The following SYNE1 variants were observed in gnomAD, a reference collection of about 807,000 sequenced individuals.
SYNE1 encodes the protein nesprin-1.
A neutral mutation model predicts 1,111.0 loss-of-function variants in SYNE1; 616 were observed. The observed-to-expected ratio is 0.55, with a 90% CI of 0.52 to 0.59. The LOEUF (loss-of-function observed/expected upper bound fraction) is 0.59, where lower values mean the gene tolerates loss of function less well. Ranked by LOEUF, SYNE1 falls within the 20% of genes least tolerant of loss-of-function variation. The probability of loss-of-function intolerance (pLI) is 0.00; values close to 1 mark genes in which losing one functional copy is unlikely to be tolerated. For missense variants in SYNE1, 10,006 were observed against 10,417.0 expected (o/e 0.96, Z 1.72); for synonymous variants, 3,855 against 3,825.8 (o/e 1.01, Z -0.28).
intron 131 of SYNE1, among the ~76,000 whole-genome samples, chr6:152,158,896 G>A (rs1440343536): frequency 6.6e-6 from 1 of 152,184 alleles, no homozygotes; most frequent in Non-Finnish European, 1.5e-5. Flanking sequence ...CCTAAGATTT[G>A]AGGGGATTTA....
At chr6:152,305,631 T>G (rs1262799578) in intron 91 of SYNE1, among the ~76,000 whole-genome samples, 2 of 152,178 alleles carry the variant, frequency 1.3e-5, no homozygotes, top group African/African-American at 2.4e-5. Flanking sequence ...TTAAAGTTAT[T>G]TGTAAGAAAA....
At chr6:152,146,384 A>C (rs2059519911) in intron 137 of SYNE1, 1 of 152,218 alleles carries the variant, frequency 6.6e-6, no homozygotes, top group Admixed American at 6.5e-5. Flanking sequence ...TATAACATGT[A>C]ATCAATATAA....
chr6:152,295,720 A>G (rs1261313420), intron 93 of SYNE1, among the ~76,000 whole-genome samples: 1 of 151,988 alleles, frequency 6.6e-6, no homozygotes, highest in Non-Finnish European at 1.5e-5. Context: ...TCAAAAGTCT[A>G]TGTATATTCA....
chr6:152,224,928 C>T (rs1049789444), intron 116 of SYNE1, among the ~76,000 whole-genome samples: 1 of 144,342 alleles, frequency 6.9e-6, no homozygotes, highest in Admixed American at 7.0e-5. Flanking sequence ...TATATATATA[C>T]ATATATACAT....
intron 117 of SYNE1, among the ~76,000 whole-genome samples, chr6:152,223,037 A>T (rs1192851886): frequency 6.6e-6 from 1 of 152,186 alleles, no homozygotes; most frequent in Non-Finnish European, 1.5e-5. Context: ...AGTAGGCTAC[A>T]AAAATCGAGT....
intron 51 of SYNE1, among the ~76,000 whole-genome samples, chr6:152,394,094 G>A (rs754906022): frequency 6.6e-6 from 1 of 152,166 alleles, no homozygotes; most frequent in Non-Finnish European, 1.5e-5. Context: ...TTCTGTTCCT[G>A]TATTAGTTTG....
chr6:152,596,767 T>C (rs1300323681), intron 3 of SYNE1, among the ~76,000 whole-genome samples: 3 of 152,216 alleles, frequency 2.0e-5, no homozygotes, highest in African/African-American at 7.2e-5. Flanking sequence ...TAAAAATTAA[T>C]TGAAAAGAGA....
At chr6:152,512,223 T>C (rs1333412380) in intron 6 of SYNE1, among the ~76,000 whole-genome samples, 1 of 152,146 alleles carries the variant, frequency 6.6e-6, no homozygotes, top group Non-Finnish European at 1.5e-5. Flanking sequence ...ATTTGAGATA[T>C]ACCTATGGGA....
At chr6:152,573,417 T>C (rs2099480288) in intron 3 of SYNE1, among the ~76,000 whole-genome samples, 1 of 145,982 alleles carries the variant, frequency 6.9e-6, no homozygotes, top group Non-Finnish European at 1.5e-5. Context: ...CACCTATGAG[T>C]GAGAACATGC....
chr6:152,140,304 T>G (rs780851702), intron 139 of SYNE1, 143 bp from the exon 140 acceptor site: 160 of 787,712 alleles, frequency 2.0e-4, no homozygotes, highest in Non-Finnish European at 3.0e-4. Context: ...TGTTGTCATC[T>G]GGAAATAACA....
At chr6:152,312,495 C>G in intron 87 of SYNE1, among the ~76,000 whole-genome samples, 1 of 150,664 alleles carries the variant, frequency 6.6e-6, no homozygotes, top group Admixed American at 6.6e-5. Context: ...ATGTGACTCA[C>G]TGCACCCAGC....
chr6:152,396,732 C>T (rs377711875), intron 50 of SYNE1, 43 bp downstream of exon 50: 3 of 1,563,130 alleles, frequency 1.9e-6, no homozygotes, highest in Non-Finnish European at 8.8e-7. Context: ...TTTAAAAACA[C>T]ACTTGGTGTA....
At position 152,391,396 on chromosome 6, in the gene SYNE1, G is replaced by C. The variant is rs750505130; in HGVS notation, c.7885C>G (p.Leu2629Val). 1.9e-6 allele frequency: 3 copies of C among 1,613,896 alleles called. No individual in the cohort carries two copies. In the Admixed American group the frequency reaches 5.0e-5, roughly 27 times the overall value. Residue 2629 changes from leucine (L) to valine (V), a missense_variant, in exon 52 of 146, where the codon CTG becomes GTG. Physicochemically the swap from Leu to Val is conservative, Grantham distance 32 (BLOSUM62 1). This residue lies in a region of SYNE1 where 4,955 missense variants were observed against 5,017.2 expected (regional missense o/e 0.99). Transcript: ENST00000367255. Reference protein sequence around the residue: ...CQVALQEHEALEEALQSMWFW... With the variant: ...CQVALQEHEAVEEALQSMWFW... ...CACATGCTTTGCAGTGCTTCCTCCAGGGCTTCGTGCTCCTGAAGGGCCACC... is the reference window on the plus strand; with the variant it reads ...CACATGCTTTGCAGTGCTTCCTCCACGGCTTCGTGCTCCTGAAGGGCCACC...
chr6:152,185,862 T>C (rs1010015512), intron 128 of SYNE1, among the ~76,000 whole-genome samples: 5 of 152,226 alleles, frequency 3.3e-5, no homozygotes, highest in African/African-American at 1.2e-4. Context: ...AATAATTCCA[T>C]GGCATTTTTA....
intron 14 of SYNE1, among the ~76,000 whole-genome samples, chr6:152,477,403 TGAA>T (rs1044602798): frequency 1.3e-5 from 2 of 151,932 alleles, no homozygotes; most frequent in Non-Finnish European, 2.9e-5. Context: ...CTTAAAGAGA[TGAA>T]GAAGAACACA....
chr6:152,321,578 G>T, intron 83 of SYNE1, 143 bp downstream of exon 83: 2 of 1,250,746 alleles, frequency 1.6e-6, no homozygotes, highest in Non-Finnish European at 1.1e-6. Context: ...ATCCCATGAA[G>T]TAATACTAAA....
At chr6:152,626,885 T>C (rs1362265997) in intron 3 of SYNE1, among the ~76,000 whole-genome samples, 1 of 152,194 alleles carries the variant, frequency 6.6e-6, no homozygotes, top group Non-Finnish European at 1.5e-5. Flanking sequence ...AAGAGCTTGG[T>C]ATGTATTTGA....
chr6:152,324,587 G>C (rs1264224632), intron 81 of SYNE1, among the ~76,000 whole-genome samples: 1 of 152,108 alleles, frequency 6.6e-6, no homozygotes, highest in East Asian at 1.9e-4. Context: ...GAGGTCAGGA[G>C]ATTGAGAACA....
intron 3 of SYNE1, among the ~76,000 whole-genome samples, chr6:152,588,751 A>G (rs1440489295): frequency 2.0e-5 from 3 of 152,224 alleles, no homozygotes; most frequent in African/African-American, 4.8e-5. Flanking sequence ...GAAGTCTTCT[A>G]GGTAATTAAC....
Sources: allele counts gnomAD v4.1 joint callset (sites outside exome capture counted in the v4.1 genomes callset), GRCh38; gene constraint gnomAD v4.1.1; regional missense constraint gnomAD v4.1.1; transcripts MANE v1.5; gene names NCBI Gene and HGNC (gene_info 2026-07-23, HGNC 2026-07-21).